Variants in TASP1 observed in about 807,000 individuals in gnomAD.
The protein encoded by TASP1 is taspase 1.
Under a neutral mutation model 56.6 loss-of-function variants are expected in TASP1, and 16 were observed. That is an observed-to-expected ratio of 0.28 (90% confidence interval 0.19 to 0.43). The LOEUF is 0.43. Ranked by LOEUF, TASP1 falls within the 20% of genes least tolerant of loss-of-function variation. The pLI is 1.00. For synonymous variants in TASP1, 179 were observed against 184.2 expected (o/e 0.97, Z 0.23); for missense variants, 393 against 511.6 (o/e 0.77, Z 2.24).
At chr20:13,160,115 C>A in the TASP1 span, 1 of 1,613,852 alleles carries the variant, frequency 6.2e-7, no homozygotes, top group African/African-American at 1.3e-5. Flanking sequence ...GGCACATACC[C>A]GGGAGATGTT....
the TASP1 span, among the ~76,000 whole-genome samples, chr20:13,224,994 T>TGA: frequency 6.6e-6 from 1 of 151,036 alleles, no homozygotes; most frequent in Admixed American, 6.6e-5. Flanking sequence ...TACAGGCGCC[T>TGA]GCCACCACGC....
At chr20:13,230,746 GA>G in the TASP1 span, among the ~76,000 whole-genome samples, 2 of 125,266 alleles carry the variant, frequency 1.6e-5, no homozygotes, top group African/African-American at 3.2e-5. Flanking sequence ...ATGTGTTGTA[GA>G]AAAAAAAAGA....
the TASP1 span, among the ~76,000 whole-genome samples, chr20:13,262,464 T>A: frequency 6.6e-6 from 1 of 151,708 alleles, no homozygotes; most frequent in African/African-American, 2.4e-5. Flanking sequence ...TTTTTCTTTT[T>A]CTTTTTTTTT....
At chr20:13,110,126 G>A in the TASP1 span, 1 of 1,611,864 alleles carries the variant, frequency 6.2e-7, no homozygotes, top group Non-Finnish European at 8.5e-7. Flanking sequence ...ACAAAGCCTA[G>A]AGAAGCTCCT....
chr20:13,110,198 C>G, the TASP1 span: 6 of 1,613,594 alleles, frequency 3.7e-6, no homozygotes, highest in East Asian at 1.3e-4. Context: ...GATTCTCATC[C>G]TGGTGGAGGG....
At chr20:13,279,651 C>T in the TASP1 span, 669 of 1,613,484 alleles carry the variant, frequency 4.1e-4, 3 homozygotes, top group South Asian at 6.6e-3. Flanking sequence ...TAGAGGTGGT[C>T]GACGGTCCTG....
At chr20:13,335,136 T>C in the TASP1 span, among the ~76,000 whole-genome samples, 1 of 152,194 alleles carries the variant, frequency 6.6e-6, no homozygotes, top group African/African-American at 2.4e-5. Context: ...TCCTCTCTCA[T>C]TGTGTGCATC....
the TASP1 span, chr20:13,221,794 C>G: frequency 1.4e-6 from 2 of 1,452,792 alleles, no homozygotes; most frequent in Non-Finnish European, 1.8e-6. Flanking sequence ...GCCTGGCGGC[C>G]GAGCTGCTGC....
intron 12 of TASP1, among the ~76,000 whole-genome samples, chr20:13,432,375 G>A (rs947915672): frequency 1.3e-5 from 2 of 152,080 alleles, no homozygotes; most frequent in African/African-American, 4.8e-5. Flanking sequence ...CAGAACCAAA[G>A]ACTGACTGGT....
At chr20:13,378,467 A>C in the TASP1 span, among the ~76,000 whole-genome samples, 1 of 152,054 alleles carries the variant, frequency 6.6e-6, no homozygotes, top group African/African-American at 2.4e-5. Flanking sequence ...ATTGTTTTGC[A>C]TTTGCTGAGG....
chr20:13,516,068 T>C (rs1430600564), intron 10 of TASP1, among the ~76,000 whole-genome samples: 2 of 152,160 alleles, frequency 1.3e-5, no homozygotes, highest in South Asian at 2.1e-4. Context: ...ACTGTTCAGC[T>C]AAATTTAATA....
chr20:13,602,502 A>T (rs575486591), intron 4 of TASP1, among the ~76,000 whole-genome samples: 1 of 152,340 alleles, frequency 6.6e-6, no homozygotes, highest in East Asian at 1.9e-4. Flanking sequence ...GATGCTAATT[A>T]GGGAAACTGG....
chr20:13,109,610 T>C, the TASP1 span, among the ~76,000 whole-genome samples: 1 of 152,200 alleles, frequency 6.6e-6, no homozygotes. Flanking sequence ...AGAGGCTTAA[T>C]TGTCCCACTG....
intron 10 of TASP1, among the ~76,000 whole-genome samples, chr20:13,527,620 G>A (rs150894681): frequency 9.9e-5 from 15 of 151,668 alleles, no homozygotes; most frequent in Admixed American, 3.9e-4. Flanking sequence ...ACGCACGCAC[G>A]CACACACACA....
At chr20:13,616,675 A>G (rs2045963544) in intron 4 of TASP1, among the ~76,000 whole-genome samples, 2 of 151,746 alleles carry the variant, frequency 1.3e-5, no homozygotes, top group African/African-American at 4.8e-5. Context: ...GGAAGAAATC[A>G]CTGCTTTTCC....
intron 6 of TASP1, among the ~76,000 whole-genome samples, chr20:13,574,056 T>C (rs1467570601): frequency 6.6e-6 from 1 of 151,164 alleles, no homozygotes; most frequent in Admixed American, 6.6e-5. Context: ...TTCAGCTAAG[T>C]AGAGATCAGT....
the TASP1 span, among the ~76,000 whole-genome samples, chr20:13,373,844 TCTTTC>T: frequency 6.6e-6 from 1 of 152,288 alleles, no homozygotes; most frequent in African/African-American, 2.4e-5. Flanking sequence ...TTCTCCTTTC[TCTTTC>T]TTTTCTTCTT....
At chr20:13,599,324 A>T (rs2047865544) in intron 4 of TASP1, among the ~76,000 whole-genome samples, 1 of 152,258 alleles carries the variant, frequency 6.6e-6, no homozygotes, top group Admixed American at 6.5e-5. Context: ...TGGCACATAT[A>T]CACCATGGAA....
chr20:13,125,862 G>A, the TASP1 span, among the ~76,000 whole-genome samples: 31 of 152,316 alleles, frequency 2.0e-4, no homozygotes, highest in South Asian at 2.1e-3. Flanking sequence ...AGATTAATCC[G>A]CCTTTTGATG....
Sources: allele counts gnomAD v4.1 joint callset (sites outside exome capture counted in the v4.1 genomes callset), GRCh38; gene constraint gnomAD v4.1.1; transcripts MANE v1.5; gene names NCBI Gene and HGNC (gene_info 2026-07-23, HGNC 2026-07-21).